The following DNM1 variants were observed in gnomAD, a reference collection of about 807,000 sequenced individuals.
DNM1 encodes the protein dynamin 1.
In DNM1, 29 loss-of-function variants were observed where a neutral mutation model predicts 104.6. The ratio of observed to expected loss-of-function variants is 0.28; its 90% CI spans 0.21 to 0.38. DNM1 has a LOEUF of 0.38. Ranked by LOEUF, DNM1 falls within the 10% of genes least tolerant of loss-of-function variation. The pLI is 1.00. For synonymous variants in DNM1, 445 were observed against 475.8 expected (o/e 0.94, Z 0.84); for missense variants, 640 against 1,189.4 (o/e 0.54, Z 6.79).
At chr9:128,251,235 T>A in intron 21 of DNM1, 1 of 593,472 alleles carries the variant, frequency 1.7e-6, no homozygotes. Flanking sequence ...TTTTCACTCT[T>A]GGCGGCCGCC....
Position 128,245,399 on chromosome 9 carries a change from C to A in DNM1, c.1672-995C>A, listed in dbSNP as rs1008064340. Reference sequence around the variant, plus strand: ...GAGTCCCCGAGGCCCACACAGACGACCCCCGTGAACAAGTAGGGCATGGGT... The same window carrying A: ...GAGTCCCCGAGGCCCACACAGACGAACCCCGTGAACAAGTAGGGCATGGGT... On this transcript the variant is annotated intron_variant, in intron 15 of 21. Transcript: ENST00000372923. This position sits in a 1 kb window ranked among gnomAD's most constrained non-coding sequence, Gnocchi z 5.2. Among the ~76,000 whole-genome samples, 16 of 151,958 alleles carry A rather than the reference C, an allele frequency of 1.1e-4. No individual in the cohort carries two copies. The highest frequency in any genetic ancestry group is 3.6e-4 in the African/African-American group (15 of 41,326).
At chr9:128,209,532 A>T (rs945831512) in intron 1 of DNM1, among the ~76,000 whole-genome samples, 1 of 152,214 alleles carries the variant, frequency 6.6e-6, no homozygotes, top group South Asian at 2.1e-4. Flanking sequence ...TGCTAAATGC[A>T]ATACATTCTG....
At chr9:128,239,635 G>A (rs1026324673) in intron 12 of DNM1, 93 bp from the exon 13 acceptor site, 2 of 1,322,956 alleles carry the variant, frequency 1.5e-6, no homozygotes, top group South Asian at 1.2e-5. Flanking sequence ...AGGTCTGCTA[G>A]GTTAACCCTC....
At position 128,240,097 on chromosome 9, in the gene DNM1, A is replaced by T; in HGVS notation, c.1557+101A>T. 7.2e-7 allele frequency: 1 copy of T among 1,394,012 alleles called. No homozygotes were observed. The highest frequency in any genetic ancestry group is 1.0e-6 in the Non-Finnish European group (1 of 982,092). The allele number at this position is 1,394,012 out of a possible 1,614,324, so 86.4% of individuals were successfully genotyped here. A position where few individuals can be genotyped will look rare whatever the true frequency, so the allele number is the denominator to read the frequency against. ...GGGTAGGAGGGCACCCTTTGGCTGA[A>T]GCTGCTTGTACACACCAGCCCCTGG... is the stretch of plus-strand genomic sequence containing the variant. On this transcript the variant is annotated intron_variant, in intron 14 of 21. Coordinates refer to ENST00000372923, the MANE Select transcript of DNM1 (RefSeq NM_004408.4). This position sits in a 1 kb window ranked among gnomAD's most constrained non-coding sequence, Gnocchi z 5.1.
At chr9:128,207,994 C>T (rs1053838814) in intron 1 of DNM1, among the ~76,000 whole-genome samples, 1 of 150,254 alleles carries the variant, frequency 6.7e-6, no homozygotes, top group Non-Finnish European at 1.5e-5. Context: ...CTCTGCCTAC[C>T]CCCCACCCCC....
intron 1 of DNM1, among the ~76,000 whole-genome samples, chr9:128,206,922 G>A (rs1834004671): frequency 6.6e-6 from 1 of 152,066 alleles, no homozygotes; most frequent in South Asian, 2.1e-4. Context: ...CAGGAGACTG[G>A]TGGGGAGGCT....
Position 128,218,561 on chromosome 9 carries a change from C to T in DNM1, c.236-21C>T. 6.2e-7 allele frequency: 1 copy of T among 1,601,284 alleles called. No individual in the cohort carries two copies. On this transcript the variant is annotated intron_variant, in intron 2 of 21. Transcript: ENST00000372923. The surrounding 1 kb of genome is among the most constrained non-coding windows in gnomAD (Gnocchi z 4.8). Reference sequence around the variant, plus strand: ...CAGACCTTGATGCCTACTGCCCTTCCCCTGCCCGCTTCTGGAGCAGAATAT... The same window carrying T: ...CAGACCTTGATGCCTACTGCCCTTCTCCTGCCCGCTTCTGGAGCAGAATAT...
At position 128,234,123 on chromosome 9, in the gene DNM1, C is replaced by T. The variant is rs766488967; in HGVS notation, c.1422+16C>T. The T allele has an allele frequency of 2.3e-5, 35 of 1,514,840 alleles. No homozygotes were observed. In the East Asian group the frequency reaches 8.5e-4, roughly 37 times the overall value. The allele number at this position is 1,514,840 out of a possible 1,614,324, so 93.8% of individuals were successfully genotyped here. ...TAAGGAGCAGGTGAGCCCCGCAGCACCCGGCCTGGCCGCGCCTTCCTTCCA... is the reference window on the plus strand; with the variant it reads ...TAAGGAGCAGGTGAGCCCCGCAGCATCCGGCCTGGCCGCGCCTTCCTTCCA... On this transcript the variant is annotated intron_variant, in intron 11 of 21. Coordinates refer to ENST00000372923, the MANE Select transcript of DNM1 (RefSeq NM_004408.4).
chr9:128,248,451 A>C lies in DNM1; in HGVS notation c.1906-132A>C. On this transcript the variant is annotated intron_variant, in intron 18 of 21. Coordinates refer to ENST00000372923, the MANE Select transcript of DNM1 (RefSeq NM_004408.4). This position sits in a 1 kb window ranked among gnomAD's most constrained non-coding sequence, Gnocchi z 5.6. ...GAGGCACAGGGATGCGGAGCCAGGT[A>C]TGTATTCAGGCCAGTCGCTTCTCTC... is the stretch of plus-strand genomic sequence containing the variant. 1.0e-6 allele frequency: 1 copy of C among 975,076 alleles called. No homozygotes were observed. Among genetic ancestry groups the C allele is most frequent in the Non-Finnish European group, 1.5e-6 (1 of 669,206 alleles). The allele number at this position is 975,076 out of a possible 1,614,324, so 60.4% of individuals were successfully genotyped here.
chr9:128,208,995 C>T (rs1834133209), intron 1 of DNM1, among the ~76,000 whole-genome samples: 1 of 152,080 alleles, frequency 6.6e-6, no homozygotes, highest in South Asian at 2.1e-4. Context: ...GGCAGTGTGG[C>T]TGAGTGAGGA....
In DNM1 at chr9:128,203,659, A is replaced by G. The variant is rs1748592519; in HGVS notation, c.161+28A>G. The G allele has an allele frequency of 6.7e-7, 1 of 1,486,092 alleles. No individual in the cohort carries two copies. The highest frequency in any genetic ancestry group is 8.9e-7 in the Non-Finnish European group (1 of 1,125,020). The allele number at this position is 1,486,092 out of a possible 1,614,324, so 92.1% of individuals were successfully genotyped here. ...AGGCGCGGCGCGCCCCCAGGCGCCG[A>G]CCCCCGACCCCCGGGATCCCTGGAG... On this transcript the variant is annotated intron_variant, in intron 1 of 21. Transcript: ENST00000372923. The surrounding 1 kb of genome is among the most constrained non-coding windows in gnomAD (Gnocchi z 5.3).
At chr9:128,204,102 GC>G in intron 1 of DNM1, 1 of 152,912 alleles carries the variant, frequency 6.5e-6, no homozygotes, top group Non-Finnish European at 1.5e-5. Flanking sequence ...GCAGAGGTCA[GC>G]CCCCGCATCC....
In DNM1 at chr9:128,250,096, C is replaced by G. The variant is rs1209374896; in HGVS notation, c.2077-19C>G. The G allele has an allele frequency of 6.2e-7, 1 of 1,613,870 alleles. No individual in the cohort carries two copies. The highest frequency in any genetic ancestry group is 8.5e-7 in the Non-Finnish European group (1 of 1,179,938). On this transcript the variant is annotated intron_variant, in intron 19 of 21. Coordinates refer to ENST00000372923, the MANE Select transcript of DNM1 (RefSeq NM_004408.4). ...CAGGCATCAGGTCCCCACCTCCTTCCCTCTTTGCCTACTCGCAGACCAAGG... is the reference window on the plus strand; with the variant it reads ...CAGGCATCAGGTCCCCACCTCCTTCGCTCTTTGCCTACTCGCAGACCAAGG...
chr9:128,247,855 T>C lies in DNM1; in HGVS notation c.1894-69T>C, dbSNP rs1222401710. The C allele has an allele frequency of 1.9e-6, 3 of 1,592,850 alleles. No homozygotes were observed. The highest frequency in any genetic ancestry group is 1.7e-6 in the Non-Finnish European group (2 of 1,167,186). ...TCACTCAATCTCTCCCCTTTTCCTC[T>C]CTGTGTTTCCTTCGGCTGTGCTCCC... On this transcript the variant is annotated intron_variant, in intron 17 of 21. Coordinates refer to ENST00000372923, the MANE Select transcript of DNM1 (RefSeq NM_004408.4). This position sits in a 1 kb window ranked among gnomAD's most constrained non-coding sequence, Gnocchi z 5.1.
intron 1 of DNM1, among the ~76,000 whole-genome samples, chr9:128,208,730 T>C (rs141605201): frequency 3.8e-4 from 58 of 152,122 alleles, no homozygotes; most frequent in African/African-American, 1.4e-3. Flanking sequence ...AGACATGAAA[T>C]CCACAAAGAG....
At chr9:128,242,456 T>C in intron 15 of DNM1, 111 bp downstream of exon 15, 2 of 635,122 alleles carry the variant, frequency 3.1e-6, no homozygotes, top group Non-Finnish European at 5.6e-6. Flanking sequence ...TTTTAAAATG[T>C]CTCGTCAAAG....
chr9:128,244,723 G>A (rs767215036), intron 15 of DNM1: 20 of 531,500 alleles, frequency 3.8e-5, no homozygotes, highest in Middle Eastern at 3.2e-4. Context: ...CGGCGGTGCC[G>A]AGGGTCTAAC....
chr9:128,206,889 T>C (rs12380222), intron 1 of DNM1, among the ~76,000 whole-genome samples: 1 of 151,212 alleles, frequency 6.6e-6, no homozygotes, highest in Admixed American at 6.6e-5. Flanking sequence ...GGGTGTGACT[T>C]GGGGAGCGGG....
In DNM1 at chr9:128,224,489, T is replaced by C; in HGVS notation, c.1335+100T>C. ...GTCCCCCCCTGCCTCCTCGGTAGCATGTACAGACCTCAGCGGGGTGGGGAG... is the reference window on the plus strand; with the variant it reads ...GTCCCCCCCTGCCTCCTCGGTAGCACGTACAGACCTCAGCGGGGTGGGGAG... On this transcript the variant is annotated intron_variant, in intron 10 of 21. Coordinates refer to ENST00000372923, the MANE Select transcript of DNM1 (RefSeq NM_004408.4). This position sits in a 1 kb window ranked among gnomAD's most constrained non-coding sequence, Gnocchi z 4.3. 4 of 1,219,272 alleles carry C rather than the reference T, an allele frequency of 3.3e-6. No homozygotes were observed. Among genetic ancestry groups the C allele is most frequent in the Non-Finnish European group, 4.6e-6 (4 of 877,558 alleles). The allele number at this position is 1,219,272 out of a possible 1,614,324, so 75.5% of individuals were successfully genotyped here.
Sources: gnomAD v4.1 joint callset for allele counts (sites outside exome capture counted in the v4.1 genomes callset) on GRCh38, gnomAD v4.1.1 for gene constraint, Gnocchi (gnomAD v3.1) non-coding constraint, MANE v1.5 for transcripts, NCBI Gene and HGNC (gene_info 2026-07-23, HGNC 2026-07-21) for gene names.